DNAH1: variants seen among roughly 807,000 people sequenced by gnomAD.
The protein encoded by DNAH1 is dynein axonemal heavy chain 1, also known as axonemal beta dynein heavy chain 1.
A neutral mutation model predicts 484.3 loss-of-function variants in DNAH1; 327 were observed. The ratio of observed to expected loss-of-function variants is 0.68; its 90% CI spans 0.62 to 0.74. DNAH1 has a LOEUF of 0.74. Among genes scored for constraint, DNAH1 ranks in the 30% least tolerant of loss-of-function variants. DNAH1 has a pLI of 0.00. For synonymous variants in DNAH1, 2,192 were observed against 2,191.9 expected (o/e 1.00, Z 0.00); for missense variants, 5,052 against 5,546.8 (o/e 0.91, Z 2.83).
rs1420940510 is a variant in DNAH1, at chr3:52,356,021, ACTG to A, written c.3694-589_3694-587del. ...TCCCAGGGCCTGGCACAGTCCTGACACTGCTGACTGTGACCCCCATCCCATGAG... is the reference window on the plus strand; with the variant it reads ...TCCCAGGGCCTGGCACAGTCCTGACACTGACTGTGACCCCCATCCCATGAG... On this transcript the variant is annotated intron_variant, in intron 21 of 77. Coordinates refer to ENST00000420323, the MANE Select transcript of DNAH1 (RefSeq NM_015512.5). Among the ~76,000 whole-genome samples, 3 of 152,372 alleles carry A rather than the reference ACTG, an allele frequency of 2.0e-5. 1 individual carries two copies. The highest frequency in any genetic ancestry group is 4.1e-4 in the South Asian group (2 of 4,832).
chr3:52,344,620 A>C lies in DNAH1; in HGVS notation c.1417A>C (p.Lys473Gln). 3 of 1,613,788 alleles carry C rather than the reference A, an allele frequency of 1.9e-6. No homozygotes were observed. Among genetic ancestry groups the C allele is most frequent in the Non-Finnish European group, 2.5e-6 (3 of 1,179,816 alleles). Residue 473 changes from lysine to glutamine, a missense_variant, in exon 9 of 78, where the codon AAG becomes CAG. Coordinates refer to ENST00000420323, the MANE Select transcript of DNAH1 (RefSeq NM_015512.5). ...ETFSYVTLPK[K>Q]EEEQVPERGL... The stretch of plus-strand genomic sequence containing the variant: ...CTTCTCCTACGTCACCCTCCCCAAG[A>C]AGGAGGAGGAGCAGGTGCCTGAGCG...
At chr3:52,399,291 G>A in intron 76 of DNAH1, 90 bp downstream of exon 76, 3 of 1,354,418 alleles carry the variant, frequency 2.2e-6, no homozygotes, top group African/African-American at 1.5e-5. Context: ...TTGGCAGTTG[G>A]GGGACCCCTA....
intron 63 of DNAH1, 75 bp from the exon 64 acceptor site, chr3:52,392,389 T>C: frequency 7.3e-7 from 1 of 1,374,684 alleles, no homozygotes; most frequent in African/African-American, 1.4e-5. Context: ...CACAGGTGGA[T>C]GGGTGACCAG....
rs193126185 is a variant in DNAH1 at position 52,324,668 on chromosome 3, T to A, written c.406+788T>A. 7.2e-5 allele frequency among the ~76,000 whole-genome samples: 11 copies of A among 152,264 alleles called. No individual in the cohort carries two copies. The South Asian group carries it at 1.2e-3, about 17-fold the overall frequency. ...AGAAAACATCACGAGCATGTACATT[T>A]GCGCACTTATCTGAGGGTCTGGCCT... On this transcript the variant is annotated intron_variant, in intron 3 of 77. Transcript: ENST00000420323.
chr3:52,325,994 C>T (rs1254887228), intron 3 of DNAH1, 146 bp from the exon 4 acceptor site: 4 of 770,970 alleles, frequency 5.2e-6, no homozygotes, highest in Non-Finnish European at 7.7e-6. Flanking sequence ...CTGTGTTCTC[C>T]CAGCCACTGC....
chr3:52,399,327 C>A, intron 76 of DNAH1, 126 bp downstream of exon 76: 1 of 1,094,732 alleles, frequency 9.1e-7, no homozygotes, highest in Non-Finnish European at 1.3e-6. Flanking sequence ...AGACCCAAGC[C>A]AGAAGAGGCC....
chr3:52,345,965 C>T (rs1488609697), intron 10 of DNAH1, among the ~76,000 whole-genome samples: 2 of 152,220 alleles, frequency 1.3e-5, no homozygotes, highest in Non-Finnish European at 2.9e-5. Flanking sequence ...TCCATCCCAA[C>T]TCTGGTTGCC....
Position 52,388,927 on chromosome 3 carries a change from G to C in DNAH1, c.9485G>C (p.Gly3162Ala). The C allele has an allele frequency of 1.2e-6, 2 of 1,601,114 alleles. No homozygotes were observed. The highest frequency in any genetic ancestry group is 1.7e-6 in the Non-Finnish European group (2 of 1,171,566). The change falls in exon 59 of 78, where the codon GGC becomes GCC. Residue 3162 changes from glycine (G) to alanine (A), a missense_variant. By Grantham distance (60) the Gly-to-Ala change is moderately conservative. Coordinates refer to ENST00000420323, the MANE Select transcript of DNAH1 (RefSeq NM_015512.5). ...LVAAGFVAYL[G>A]PFTGQYRTVL... The stretch of plus-strand genomic sequence containing the variant: ...GCCGCTGGCTTTGTGGCCTACCTGG[G>C]CCCCTTCACGGTAAGAAGTCCCCAC...
In DNAH1 at chr3:52,389,535, G is replaced by A. The variant is rs1328038869; in HGVS notation, c.9570G>A (p.Glu3190=). ...GCCACAATGTCCCACACACCTCCGA[G>A]CCCACGCTAATCGGGACGCTGGGGA... is the stretch of plus-strand genomic sequence containing the variant. ...LRSHNVPHTS[E]PTLIGTLGNP... Residue 3190 remains glutamate, a synonymous_variant, in exon 60 of 78, where the codon GAG becomes GAA. Coordinates refer to ENST00000420323, the MANE Select transcript of DNAH1 (RefSeq NM_015512.5). 1.3e-6 allele frequency: 2 copies of A among 1,576,356 alleles called. No individual in the cohort carries two copies. The highest frequency in any genetic ancestry group is 1.8e-5 in the Admixed American group (1 of 54,106).
chr3:52,396,100 AT>A (rs1559574689), intron 70 of DNAH1, among the ~76,000 whole-genome samples: 4 of 151,848 alleles, frequency 2.6e-5, no homozygotes, highest in Non-Finnish European at 5.9e-5. Context: ...TGCCCAGCTA[AT>A]TTTTTGTATT....
At position 52,349,023 on chromosome 3, in the gene DNAH1, G is replaced by C; in HGVS notation, c.2242G>C (p.Ala748Pro). ...GGCCATGATCCCACTGCAGGCCTAC[G>C]CCAAGGAGTACCGAAAGTACCTGGA... ...SKAMIPLQAY[A>P]KEYRKYLELN... Residue 748 changes from alanine to proline, a missense_variant, in exon 13 of 78, where the codon GCC becomes CCC. Physicochemically the swap from Ala to Pro is conservative, Grantham distance 27. Around this residue, in one of 4 missense-constraint regions of DNAH1, gnomAD observed 1,263 missense variants for 1,218.8 expected, o/e 1.04. Transcript: ENST00000420323. The C allele has an allele frequency of 6.2e-7, 1 of 1,613,024 alleles. No homozygotes were observed. Among genetic ancestry groups the C allele is most frequent in the Non-Finnish European group, 8.5e-7 (1 of 1,179,900 alleles).
rs1377817430 is a variant in DNAH1 at position 52,376,082 on chromosome 3, C to T, written c.7198+89C>T. ...GTGTGTTGAGGCTGCGACCAGGCGC[C>T]GTGGTGAACCATCCTCAGGTTCATG... On this transcript the variant is annotated intron_variant, in intron 46 of 77. Transcript: ENST00000420323. The T allele has an allele frequency of 7.3e-6, 11 of 1,509,774 alleles. No homozygotes were observed. The South Asian group carries it at 1.1e-4, about 15-fold the overall frequency. The allele number at this position is 1,509,774 out of a possible 1,614,324, so 93.5% of individuals were successfully genotyped here.
Position 52,346,475 on chromosome 3 carries a change from C to T in DNAH1, c.1660C>T (p.Gln554Ter). ...QIQSQTFSQV[Q>*]MFLKDSWISS... Reference sequence around the variant, plus strand: ...ATGATGCCTGTGGCCACTCTAGGTGCAGATGTTCCTCAAGGACAGCTGGAT... The same window carrying T: ...ATGATGCCTGTGGCCACTCTAGGTGTAGATGTTCCTCAAGGACAGCTGGAT... Residue 554 changes from glutamine (Q) to a stop codon, truncating the protein, a stop_gained, in exon 11 of 78, where the codon CAG becomes TAG. Coordinates refer to ENST00000420323, the MANE Select transcript of DNAH1 (RefSeq NM_015512.5). LOFTEE classifies it high-confidence loss of function. 1 of 1,608,426 alleles carries T rather than the reference C, an allele frequency of 6.2e-7. No individual in the cohort carries two copies. Among genetic ancestry groups the T allele is most frequent in the Non-Finnish European group, 8.5e-7 (1 of 1,177,024 alleles).
Position 52,395,087 on chromosome 3 carries a change from G to C in DNAH1, c.10968+28G>C. ...AAGTGCTGGAACCCTGGCAGGACTG[G>C]CACCTTGAGCTTGTCCCCACCCTGG... On this transcript the variant is annotated intron_variant, in intron 68 of 77. Coordinates refer to ENST00000420323, the MANE Select transcript of DNAH1 (RefSeq NM_015512.5). This position sits in a 1 kb window ranked among gnomAD's most constrained non-coding sequence, Gnocchi z 4.4. 1 of 1,594,482 alleles carries C rather than the reference G, an allele frequency of 6.3e-7. No individual in the cohort carries two copies.
intron 43 of DNAH1, 60 bp from the exon 44 acceptor site, chr3:52,372,836 C>T: frequency 6.4e-7 from 1 of 1,560,552 alleles, no homozygotes; most frequent in Non-Finnish European, 8.7e-7. Flanking sequence ...CCGTTCGCCC[C>T]TGGATTCTCA....
chr3:52,393,044 G>T lies in DNAH1; in HGVS notation c.10474+19G>T, dbSNP rs1704466423. On this transcript the variant is annotated intron_variant, in intron 65 of 77. Coordinates refer to ENST00000420323, the MANE Select transcript of DNAH1 (RefSeq NM_015512.5). The stretch of plus-strand genomic sequence containing the variant: ...AGAGCAGGTAGCACCGGCATGCCAG[G>T]CTCCTACCCTGCACAGATATGACCC... 7 of 1,610,862 alleles carry T rather than the reference G, an allele frequency of 4.3e-6. No homozygotes were observed. The African/African-American group carries it at 5.3e-5, about 12-fold the overall frequency.
Position 52,344,491 on chromosome 3 carries a change from G to A in DNAH1, c.1288G>A (p.Val430Ile). 1.9e-6 allele frequency: 3 copies of A among 1,613,768 alleles called. No homozygotes were observed. The highest frequency in any genetic ancestry group is 2.2e-5 in the South Asian group (2 of 91,058). The part of the protein sequence containing the change: ...STPRMRKGPS[V>I]LEHLSSLARE... ...CCCATCTCCCATCTCTATGGGCAGG[G>A]TTCTAGAGCACCTCAGCAGTCTTGC... is the stretch of plus-strand genomic sequence containing the variant. Residue 430 changes from valine to isoleucine, a missense_variant and splice_region_variant, in exon 9 of 78, where the codon GTT becomes ATT. This residue lies in a region of DNAH1 where 1,263 missense variants were observed against 1,218.8 expected (regional missense o/e 1.04). Coordinates refer to ENST00000420323, the MANE Select transcript of DNAH1 (RefSeq NM_015512.5).
At chr3:52,375,621 C>G (rs1703556552) in intron 45 of DNAH1, among the ~76,000 whole-genome samples, 1 of 152,156 alleles carries the variant, frequency 6.6e-6, no homozygotes, top group Admixed American at 6.5e-5. Flanking sequence ...CATTCCAGGT[C>G]GTGAGGGTTA....
chr3:52,387,452 G>A (rs2153225400), intron 56 of DNAH1, among the ~76,000 whole-genome samples: 2 of 152,250 alleles, frequency 1.3e-5, no homozygotes, highest in East Asian at 3.9e-4. Context: ...GGGGGCAGCT[G>A]CCTGTCCCAC....
Sources: gnomAD v4.1 joint callset for allele counts (sites outside exome capture counted in the v4.1 genomes callset) on GRCh38, gnomAD v4.1.1 for gene constraint, gnomAD v4.1.1 regional missense constraint, Gnocchi (gnomAD v3.1) non-coding constraint, MANE v1.5 for transcripts, NCBI Gene and HGNC (gene_info 2026-07-23, HGNC 2026-07-21) for gene names.